Variants in ADGRB3 observed in about 807,000 individuals in gnomAD.
The protein encoded by ADGRB3 is brain-specific angiogenesis inhibitor 3.
ADGRB3 carries 37 observed loss-of-function variants against 193.4 expected under a neutral mutation model. The observed-to-expected ratio is 0.19, with a 90% CI of 0.15 to 0.25. The LOEUF is 0.25. ADGRB3 is among the 10% of genes least tolerant of loss of function. The probability of loss-of-function intolerance (pLI) is 1.00; values close to 1 mark genes in which losing one functional copy is unlikely to be tolerated. For synonymous variants in ADGRB3, 690 were observed against 644.2 expected, an observed-to-expected ratio of 1.07 and a Z score of -1.08; for missense variants, 1,637 against 1,852.9, an observed-to-expected ratio of 0.88 and a Z score of 2.14.
intron 3 of ADGRB3, among the ~76,000 whole-genome samples, chr6:68,846,103 A>C (rs79895724): frequency 0.028 from 4,242 of 152,246 alleles, 203 homozygotes; most frequent in African/African-American, 0.095. Flanking sequence ...TGTTTTAGCA[A>C]ATAAACTGGC....
intron 10 of ADGRB3, 116 bp downstream of exon 10, chr6:68,975,456 G>A (rs1337500532): frequency 1.4e-6 from 1 of 729,506 alleles, no homozygotes; most frequent in Non-Finnish European, 2.2e-6. Flanking sequence ...AAAAAGAAAT[G>A]CCTGAAGGAG....
intron 29 of ADGRB3, among the ~76,000 whole-genome samples, chr6:69,369,507 A>G (rs1268802398): frequency 6.6e-6 from 1 of 151,970 alleles, no homozygotes; most frequent in African/African-American, 2.4e-5. Flanking sequence ...AGATCATTCT[A>G]GGCAACATGA....
At position 69,039,866 on chromosome 6, in the gene ADGRB3, C is replaced by T. The variant is rs370542708; in HGVS notation, c.2108-8319C>T. ...ACACCATTCTCCTGCCTTAGCCTCC[C>T]GAGTAGCTGGGACTACAGGCGCGTG... On this transcript the variant is annotated intron_variant, in intron 13 of 31. Transcript: ENST00000370598. Among the ~76,000 whole-genome samples, 742 of 151,498 alleles carry T rather than the reference C, an allele frequency of 4.9e-3. 3 individuals are homozygous for T. Among genetic ancestry groups the T allele is most frequent in the Admixed American group, 8.1e-3 (124 of 15,232 alleles).
chr6:68,687,793 A>C (rs1056533903), intron 3 of ADGRB3, among the ~76,000 whole-genome samples: 13 of 152,212 alleles, frequency 8.5e-5, no homozygotes, highest in African/African-American at 3.1e-4. Context: ...TGAGGGAAAA[A>C]AAGAAAGTGC....
At chr6:68,907,204 A>T (rs1349768775) in intron 3 of ADGRB3, among the ~76,000 whole-genome samples, 4 of 151,966 alleles carry the variant, frequency 2.6e-5, no homozygotes, top group African/African-American at 7.2e-5. Flanking sequence ...AATTTTTAGA[A>T]ATTATTGTTT....
intron 23 of ADGRB3, chr6:69,332,652 TAAAATTCAGGCAATTG>T: frequency 1.0e-6 from 1 of 985,460 alleles, no homozygotes; most frequent in Non-Finnish European, 1.2e-6. Flanking sequence ...TGGTACCATT[TAAAATTCAGGCAATTG>T]AAGGTTAATT....
chr6:69,210,166 A>G (rs1765631684), intron 17 of ADGRB3, among the ~76,000 whole-genome samples: 1 of 130,054 alleles, frequency 7.7e-6, no homozygotes, highest in Non-Finnish European at 1.6e-5. Flanking sequence ...ATATATATAT[A>G]TATAAAGGGG....
At chr6:68,683,363 AT>A in intron 3 of ADGRB3, among the ~76,000 whole-genome samples, 1 of 152,174 alleles carries the variant, frequency 6.6e-6, no homozygotes, top group Non-Finnish European at 1.5e-5. Context: ...ATATCATAAG[AT>A]AAGATGATAC....
intron 4 of ADGRB3, among the ~76,000 whole-genome samples, chr6:68,935,442 A>G (rs1295812628): frequency 2.0e-5 from 3 of 152,228 alleles, no homozygotes; most frequent in Admixed American, 6.5e-5. Context: ...ATTCTATTCC[A>G]AAGGCAAATT....
intron 3 of ADGRB3, among the ~76,000 whole-genome samples, chr6:68,814,317 G>A (rs1370981854): frequency 2.6e-5 from 4 of 152,202 alleles, no homozygotes; most frequent in Non-Finnish European, 5.9e-5. Flanking sequence ...GTGATGATGA[G>A]CATCTTTTCA....
At chr6:68,765,631 A>C (rs1028112746) in intron 3 of ADGRB3, among the ~76,000 whole-genome samples, 1 of 151,648 alleles carries the variant, frequency 6.6e-6, no homozygotes, top group Non-Finnish European at 1.5e-5. Flanking sequence ...ATAATTATTG[A>C]TCCCTGCAAG....
intron 25 of ADGRB3, 126 bp downstream of exon 25, chr6:69,339,140 T>C: frequency 8.7e-7 from 1 of 1,154,152 alleles, no homozygotes; most frequent in East Asian, 2.4e-5. Context: ...TATTTATAAT[T>C]GGCAACTGTC....
chr6:69,179,168 A>G (rs978055883), intron 17 of ADGRB3, among the ~76,000 whole-genome samples: 1 of 152,204 alleles, frequency 6.6e-6, no homozygotes, highest in African/African-American at 2.4e-5. Flanking sequence ...TGAATTCCTC[A>G]AAGAATTTCA....
chr6:69,259,161 G>A (rs184843549), intron 20 of ADGRB3, among the ~76,000 whole-genome samples: 11 of 152,212 alleles, frequency 7.2e-5, no homozygotes, highest in Non-Finnish European at 5.9e-5. Context: ...ATATCCTTTC[G>A]AATTTGCTTA....
intron 3 of ADGRB3, among the ~76,000 whole-genome samples, chr6:68,862,080 T>C (rs1765171023): frequency 6.6e-6 from 1 of 152,032 alleles, no homozygotes; most frequent in Non-Finnish European, 1.5e-5. Flanking sequence ...TTTCAAACTT[T>C]CCAACTCATC....
chr6:68,896,237 G>A (rs1034356305), intron 3 of ADGRB3, among the ~76,000 whole-genome samples: 56 of 152,130 alleles, frequency 3.7e-4, no homozygotes, highest in Admixed American at 2.2e-3. Context: ...TAAGAGAACT[G>A]GAGATTTTAT....
In ADGRB3 at chr6:68,750,588, A is replaced by C. The variant is rs115241814; in HGVS notation, c.757+111156A>C. 4.2e-3 allele frequency among the ~76,000 whole-genome samples: 637 copies of C among 152,188 alleles called. 6 individuals carry two copies. The highest frequency in any genetic ancestry group is 0.015 in the African/African-American group (607 of 41,508). On this transcript the variant is annotated intron_variant, in intron 3 of 31. Coordinates refer to ENST00000370598, the MANE Select transcript of ADGRB3 (RefSeq NM_001704.3). The stretch of plus-strand genomic sequence containing the variant: ...TTTGCCTACAACTTTGTTAGTAAAT[A>C]TTTTTTCTTTTTCTGCCATTTGCTA...
chr6:69,324,979 T>C lies in ADGRB3; in HGVS notation c.2922T>C (p.Ile974=). The C allele has an allele frequency of 4.3e-6, 7 of 1,613,898 alleles. No individual in the cohort carries two copies. Among genetic ancestry groups the C allele is most frequent in the Non-Finnish European group, 5.1e-6 (6 of 1,179,874 alleles). Reference sequence around the variant, plus strand: ...CATATATGGCTGTAACTGGAAAAATTAGGACACGGCTTATAAGAAAACGCT... The same window carrying C: ...CATATATGGCTGTAACTGGAAAAATCAGGACACGGCTTATAAGAAAACGCT... ...WQSYMAVTGK[I]RTRLIRKRFL... The change falls in exon 21 of 32, where the codon ATT becomes ATC. Residue 974 remains isoleucine, a synonymous_variant. Coordinates refer to ENST00000370598, the MANE Select transcript of ADGRB3 (RefSeq NM_001704.3).
chr6:69,287,515 G>GTAA (rs1365527259), intron 20 of ADGRB3, among the ~76,000 whole-genome samples: 6 of 152,240 alleles, frequency 3.9e-5, no homozygotes, highest in African/African-American at 1.4e-4. Context: ...CATGTAACAG[G>GTAA]CATCAAACTA....
Sources: gnomAD v4.1 joint callset for allele counts (sites outside exome capture counted in the v4.1 genomes callset) on GRCh38, gnomAD v4.1.1 for gene constraint, MANE v1.5 for transcripts, NCBI Gene and HGNC (gene_info 2026-07-23, HGNC 2026-07-21) for gene names.